The following NRG3 variants were observed in gnomAD, a reference collection of about 807,000 sequenced individuals.
NRG3 encodes neuregulin 3, also known as pro-neuregulin-3, membrane-bound isoform.
Under a neutral mutation model 66.9 loss-of-function variants are expected in NRG3, and 31 were observed. The observed-to-expected ratio is 0.46, with a 90% CI of 0.35 to 0.63. NRG3 has a LOEUF of 0.63. Among genes scored for constraint, NRG3 ranks in the 20% least tolerant of loss-of-function variants. The probability of loss-of-function intolerance (pLI) is 0.00; values close to 1 mark genes in which losing one functional copy is unlikely to be tolerated. For missense variants in NRG3, 910 were observed against 878.9 expected, an observed-to-expected ratio of 1.04 and a Z score of -0.45; for synonymous variants, 393 against 359.4, an observed-to-expected ratio of 1.09 and a Z score of -1.06.
At position 82,025,014 on chromosome 10, in the gene NRG3, G is replaced by A. The variant is rs1022780040; in HGVS notation, c.823+148851G>A. ...TAAGTGAATCAGTTGAACATGTTGT[G>A]ATTTATAAGGATCTGATAAATATGT... On this transcript the variant is annotated intron_variant, in intron 1 of 8. Transcript: ENST00000372141. 7.2e-4 allele frequency among the ~76,000 whole-genome samples: 109 copies of A among 152,008 alleles called. 1 individual carries two copies. The highest frequency in any genetic ancestry group is 5.9e-5 in the Non-Finnish European group (4 of 67,966).
At chr10:82,867,516 G>A (rs1840869923) in intron 4 of NRG3, among the ~76,000 whole-genome samples, 1 of 152,132 alleles carries the variant, frequency 6.6e-6, no homozygotes, top group Non-Finnish European at 1.5e-5. Flanking sequence ...TAAAGGAACA[G>A]GATTTTTCAT....
intron 4 of NRG3, among the ~76,000 whole-genome samples, chr10:82,888,034 T>A (rs962549718): frequency 1.3e-5 from 2 of 152,232 alleles, no homozygotes; most frequent in African/African-American, 4.8e-5. Flanking sequence ...ACAGATTTTT[T>A]AAAAATAGAA....
chr10:82,752,645 A>G (rs1386863956), intron 3 of NRG3, among the ~76,000 whole-genome samples: 1 of 152,194 alleles, frequency 6.6e-6, no homozygotes, highest in Non-Finnish European at 1.5e-5. Context: ...AAAAATTCAT[A>G]TGTTGAAACA....
chr10:82,763,838 A>G (rs1378486052), intron 3 of NRG3, among the ~76,000 whole-genome samples: 3 of 152,194 alleles, frequency 2.0e-5, no homozygotes, highest in African/African-American at 2.4e-5. Context: ...GAATTCAAAG[A>G]CTTCATGTAG....
At chr10:81,993,817 C>T (rs775024641) in intron 1 of NRG3, among the ~76,000 whole-genome samples, 23 of 152,080 alleles carry the variant, frequency 1.5e-4, no homozygotes, top group Non-Finnish European at 2.4e-4. Flanking sequence ...ATATGTTTCT[C>T]GTGAATCACA....
intron 1 of NRG3, among the ~76,000 whole-genome samples, chr10:82,076,049 C>A (rs1311350690): frequency 6.6e-6 from 1 of 151,956 alleles, no homozygotes; most frequent in Admixed American, 6.6e-5. Flanking sequence ...GGGTCCATAT[C>A]ACATTGCATC....
At chr10:82,196,580 GTAA>G (rs1345931201) in intron 1 of NRG3, among the ~76,000 whole-genome samples, 4 of 152,096 alleles carry the variant, frequency 2.6e-5, no homozygotes, top group Non-Finnish European at 5.9e-5. Flanking sequence ...ATGCTAAAAG[GTAA>G]TAATAAAAGT....
chr10:82,017,179 G>A (rs11192181), intron 1 of NRG3, among the ~76,000 whole-genome samples: 39,258 of 152,014 alleles, frequency 0.26, 5,650 homozygotes, highest in African/African-American at 0.39. Flanking sequence ...GTGAGAACAC[G>A]TGGTGTTCGG....
At chr10:82,675,792 A>G (rs1298121000) in intron 2 of NRG3, among the ~76,000 whole-genome samples, 1 of 152,250 alleles carries the variant, frequency 6.6e-6, no homozygotes, top group Non-Finnish European at 1.5e-5. Flanking sequence ...CCCCACTGCC[A>G]TAATTTTCTC....
chr10:82,848,795 T>C (rs984931581), intron 3 of NRG3, among the ~76,000 whole-genome samples: 1 of 152,160 alleles, frequency 6.6e-6, no homozygotes, highest in African/African-American at 2.4e-5. Context: ...CTCATGATAG[T>C]GAATAAGTCT....
chr10:82,886,062 T>A (rs931595616), intron 4 of NRG3, among the ~76,000 whole-genome samples: 1 of 151,982 alleles, frequency 6.6e-6, no homozygotes, highest in Non-Finnish European at 1.5e-5. Context: ...GACAGAGTTT[T>A]GCCACGTTGG....
rs928623934 is a variant in NRG3 at position 82,374,083 on chromosome 10, G to A, written c.953+15215G>A. ...GATAAACTGGATCAATGAAAAATAC[G>A]CTAAATACCTACCACTCTCATTTTT... On this transcript the variant is annotated intron_variant, in intron 2 of 8. Coordinates refer to ENST00000372141, the MANE Select transcript of NRG3 (RefSeq NM_001010848.4). Among the ~76,000 whole-genome samples the A allele has an allele frequency of 3.3e-5, 5 of 152,146 alleles. No homozygotes were observed. In the East Asian group the frequency reaches 5.8e-4, roughly 18 times the overall value.
chr10:82,251,754 G>T (rs2077499861), intron 1 of NRG3, among the ~76,000 whole-genome samples: 1 of 152,290 alleles, frequency 6.6e-6, no homozygotes. Context: ...TGTGGTCACC[G>T]GGGTTAATGA....
At position 82,846,620 on chromosome 10, in the gene NRG3, G is replaced by T. The variant is rs188719741; in HGVS notation, c.1028-18791G>T. 2.7e-3 allele frequency among the ~76,000 whole-genome samples: 418 copies of T among 152,214 alleles called. 1 individual carries two copies. Among genetic ancestry groups the T allele is most frequent in the Middle Eastern group, 0.01 (3 of 294 alleles). The stretch of plus-strand genomic sequence containing the variant: ...AAAAGCAGAACAATCAGCACAAATG[G>T]AAGATTTTGAGAGTAATGTCAAGAC... On this transcript the variant is annotated intron_variant, in intron 3 of 8. Coordinates refer to ENST00000372141, the MANE Select transcript of NRG3 (RefSeq NM_001010848.4).
chr10:82,679,923 T>C (rs1033180503), intron 2 of NRG3, among the ~76,000 whole-genome samples: 4 of 152,192 alleles, frequency 2.6e-5, no homozygotes, highest in Non-Finnish European at 4.4e-5. Context: ...AATTGCACTA[T>C]GTATTTTATT....
At chr10:82,230,984 G>A (rs1422711623) in intron 1 of NRG3, among the ~76,000 whole-genome samples, 1 of 152,140 alleles carries the variant, frequency 6.6e-6, no homozygotes, top group Non-Finnish European at 1.5e-5. Context: ...GAGACTAAGT[G>A]GAGGTATAAA....
chr10:81,906,485 G>A (rs920797537), intron 1 of NRG3, among the ~76,000 whole-genome samples: 2 of 152,296 alleles, frequency 1.3e-5, no homozygotes, highest in African/African-American at 4.8e-5. Flanking sequence ...GAAACTATCT[G>A]CAGGGCATGT....
rs2076533367 is a variant in NRG3 at position 82,232,500 on chromosome 10, T to G, written c.824-126239T>G. On this transcript the variant is annotated intron_variant, in intron 1 of 8. Transcript: ENST00000372141. ...CTTACAGTAGAGATGGCTCTTCTCC[T>G]AACAGGTGCTCCTCAAATTCCAGAT... The G allele has an allele frequency of 5.7e-5, 26 of 458,758 alleles. 2 individuals are homozygous for G. In the South Asian group the frequency reaches 7.2e-4, roughly 13 times the overall value. 28.4% of individuals were successfully genotyped at this position (458,758 alleles called of 1,614,324 possible).
intron 1 of NRG3, among the ~76,000 whole-genome samples, chr10:81,927,615 C>T (rs1786647419): frequency 1.3e-5 from 2 of 151,940 alleles, no homozygotes; most frequent in Non-Finnish European, 2.9e-5. Context: ...CTTCGATTTA[C>T]AAAAAAATTG....
Sources: gnomAD v4.1 joint callset for allele counts (sites outside exome capture counted in the v4.1 genomes callset) on GRCh38, gnomAD v4.1.1 for gene constraint, MANE v1.5 for transcripts, NCBI Gene and HGNC (gene_info 2026-07-23, HGNC 2026-07-21) for gene names.